Variants in STK32A observed in about 807,000 individuals in gnomAD.
The protein encoded by STK32A is serine/threonine-protein kinase 32A.
In STK32A, 41 loss-of-function variants were observed where a neutral mutation model predicts 53.2. That is an observed-to-expected ratio of 0.77 (90% CI 0.60 to 1.00). The LOEUF is 1.00. STK32A is among the 50% of genes least tolerant of loss of function. STK32A has a pLI of 0.00. For synonymous variants in STK32A, 166 were observed against 162.8 expected (o/e 1.02, Z -0.15); for missense variants, 458 against 485.8 (o/e 0.94, Z 0.54).
At chr5:147,321,286 T>A (rs1463331993) in intron 4 of STK32A, among the ~76,000 whole-genome samples, 1 of 152,210 alleles carries the variant, frequency 6.6e-6, no homozygotes, top group Non-Finnish European at 1.5e-5. Context: ...TTTTAAAAAA[T>A]CAGATGATAT....
chr5:147,310,246 C>T (rs1187755114), intron 4 of STK32A, among the ~76,000 whole-genome samples: 2 of 152,050 alleles, frequency 1.3e-5, no homozygotes, highest in Admixed American at 6.6e-5. Context: ...AATCACTAGA[C>T]GGGTAAAGGA....
chr5:147,329,767 C>T (rs1016569383), intron 5 of STK32A, among the ~76,000 whole-genome samples: 1 of 152,178 alleles, frequency 6.6e-6, no homozygotes, highest in Non-Finnish European at 1.5e-5. Flanking sequence ...CAATCTTAAG[C>T]CCTCATAAGT....
intron 8 of STK32A, among the ~76,000 whole-genome samples, chr5:147,369,645 G>A (rs1433038601): frequency 6.6e-6 from 1 of 152,008 alleles, no homozygotes; most frequent in Non-Finnish European, 1.5e-5. Context: ...TTTACTACAG[G>A]GAAAAACTTA....
intron 4 of STK32A, among the ~76,000 whole-genome samples, chr5:147,300,412 TATTTC>T (rs1159849868): frequency 6.6e-6 from 1 of 152,230 alleles, no homozygotes; most frequent in Non-Finnish European, 1.5e-5. Context: ...GAACAGGATT[TATTTC>T]ATTTATTGTC....
At chr5:147,398,248 C>T in the STK32A span, among the ~76,000 whole-genome samples, 2 of 152,134 alleles carry the variant, frequency 1.3e-5, no homozygotes, top group Non-Finnish European at 2.9e-5. Context: ...TAAGCAAAGG[C>T]CATTGCCACC....
At chr5:147,324,854 A>C (rs1439541754) in intron 5 of STK32A, among the ~76,000 whole-genome samples, 1 of 152,188 alleles carries the variant, frequency 6.6e-6, no homozygotes, top group Non-Finnish European at 1.5e-5. Flanking sequence ...AATCAACATC[A>C]AAACAACTAG....
downstream of STK32A, among the ~76,000 whole-genome samples, chr5:147,390,143 T>C (rs776886458): frequency 5.3e-5 from 8 of 152,122 alleles, no homozygotes; most frequent in Non-Finnish European, 8.8e-5. Flanking sequence ...CAAAAGGGTG[T>C]AGTATAATAG....
At chr5:147,358,472 T>C (rs1756356050) in intron 7 of STK32A, among the ~76,000 whole-genome samples, 1 of 152,168 alleles carries the variant, frequency 6.6e-6, no homozygotes, top group Non-Finnish European at 1.5e-5. Flanking sequence ...GAATCTCACA[T>C]GTATAGGAAC....
At chr5:147,244,053 C>T (rs1481615079) in intron 2 of STK32A, among the ~76,000 whole-genome samples, 1 of 129,452 alleles carries the variant, frequency 7.7e-6, no homozygotes, top group Non-Finnish European at 1.7e-5. Context: ...CCATCCCCTC[C>T]CCAGTCCCTG....
At chr5:147,360,397 G>C (rs1756444103) in intron 7 of STK32A, among the ~76,000 whole-genome samples, 1 of 135,900 alleles carries the variant, frequency 7.4e-6, no homozygotes, top group Non-Finnish European at 1.5e-5. Flanking sequence ...GCTGCAGTGA[G>C]CCATGATTGT....
chr5:147,313,907 G>A (rs2151972648), intron 4 of STK32A, among the ~76,000 whole-genome samples: 1 of 152,210 alleles, frequency 6.6e-6, no homozygotes, highest in Non-Finnish European at 1.5e-5. Flanking sequence ...CTCACACCAT[G>A]TACAAAATTA....
At chr5:147,338,553 C>G (rs976234923) in intron 5 of STK32A, among the ~76,000 whole-genome samples, 26 of 152,104 alleles carry the variant, frequency 1.7e-4, no homozygotes, top group Non-Finnish European at 8.8e-5. Flanking sequence ...GGGGTTGGAA[C>G]AGTTTGGAGG....
chr5:147,240,880 G>T (rs535887279), intron 2 of STK32A, among the ~76,000 whole-genome samples: 3 of 152,262 alleles, frequency 2.0e-5, no homozygotes, highest in Admixed American at 2.0e-4. Flanking sequence ...CCCTCAGAGT[G>T]GCTAACCAAC....
At chr5:147,255,082 G>A (rs1305231671) in intron 2 of STK32A, among the ~76,000 whole-genome samples, 104 of 152,316 alleles carry the variant, frequency 6.8e-4, no homozygotes, top group Non-Finnish European at 1.3e-4. Context: ...GGAGCTTGCA[G>A]TGAGGCGAGA....
At chr5:147,292,559 A>G (rs925651501) in intron 4 of STK32A, among the ~76,000 whole-genome samples, 3 of 152,234 alleles carry the variant, frequency 2.0e-5, no homozygotes, top group Admixed American at 6.5e-5. Context: ...TTCCAAACAA[A>G]AAAAGTCATT....
intron 5 of STK32A, among the ~76,000 whole-genome samples, chr5:147,337,445 G>T (rs958936114): frequency 6.6e-6 from 1 of 152,134 alleles, no homozygotes; most frequent in African/African-American, 2.4e-5. Flanking sequence ...TGGCACACAG[G>T]GTTTGTTTGG....
At chr5:147,369,804 A>G (rs1346199177) in intron 8 of STK32A, among the ~76,000 whole-genome samples, 1 of 152,188 alleles carries the variant, frequency 6.6e-6, no homozygotes, top group African/African-American at 2.4e-5. Flanking sequence ...CATTAAATAA[A>G]CATGTATTGT....
chr5:147,377,515 A>T (rs577013488), intron 11 of STK32A, among the ~76,000 whole-genome samples: 1 of 152,018 alleles, frequency 6.6e-6, no homozygotes. Flanking sequence ...TGAAAACTCG[A>T]CATTTAAATA....
At chr5:147,392,621 T>G (rs1413147527), downstream of STK32A, 4 of 152,194 alleles carry the variant, frequency 2.6e-5, no homozygotes, top group Non-Finnish European at 5.9e-5. Context: ...AACTGAATTT[T>G]CAGAAGCAGC....
Sources: gnomAD v4.1 joint callset for allele counts (sites outside exome capture counted in the v4.1 genomes callset) on GRCh38, gnomAD v4.1.1 for gene constraint, MANE v1.5 for transcripts, NCBI Gene and HGNC (gene_info 2026-07-23, HGNC 2026-07-21) for gene names.